Variants in COL10A1 observed in about 807,000 individuals in gnomAD.
COL10A1 encodes collagen alpha-1(X) chain.
COL10A1 carries 10 observed loss-of-function variants against 18.2 expected under a neutral mutation model. The ratio of observed to expected loss-of-function variants is 0.55; its 90% confidence interval spans 0.34 to 0.93. COL10A1 has a LOEUF of 0.93. COL10A1 is among the 40% of genes least tolerant of loss of function. The pLI, the probability that COL10A1 is intolerant of heterozygous loss-of-function variation, is 0.02. For missense variants in COL10A1, 897 were observed against 853.5 expected, an observed-to-expected ratio of 1.05 and a Z score of -0.64; for synonymous variants, 330 against 316.6, an observed-to-expected ratio of 1.04 and a Z score of -0.45.
chr6:116,153,959 A>T (rs1582839056), intron 1 of COL10A1, among the ~76,000 whole-genome samples: 1 of 151,682 alleles, frequency 6.6e-6, no homozygotes, highest in South Asian at 2.1e-4. Flanking sequence ...AGCTGTATGT[A>T]TTGCATTTGG....
chr6:116,123,612 T>C (rs1194600452), intron 2 of COL10A1, among the ~76,000 whole-genome samples: 2 of 152,238 alleles, frequency 1.3e-5, no homozygotes, highest in Non-Finnish European at 2.9e-5. Flanking sequence ...AATTATGTAA[T>C]AACTCTTTGA....
intron 1 of COL10A1, among the ~76,000 whole-genome samples, chr6:116,153,010 T>A (rs1433378628): frequency 6.6e-6 from 1 of 152,134 alleles, no homozygotes; most frequent in Admixed American, 6.6e-5. Context: ...TACCACTAAA[T>A]GGCTGAACTA....
upstream of COL10A1, among the ~76,000 whole-genome samples, chr6:116,130,689 T>G (rs1021031699): frequency 1.3e-5 from 2 of 152,084 alleles, no homozygotes; most frequent in African/African-American, 4.8e-5. Flanking sequence ...GATAACATTT[T>G]ACTGATGTAG....
intron 1 of COL10A1, among the ~76,000 whole-genome samples, chr6:116,134,750 T>C (rs1779547835): frequency 6.6e-6 from 1 of 152,200 alleles, no homozygotes; most frequent in Non-Finnish European, 1.5e-5. Flanking sequence ...CCGTGGTTGC[T>C]GTTCTAGTAA....
chr6:116,137,306 A>G (rs896164985), intron 1 of COL10A1: 6 of 160,310 alleles, frequency 3.7e-5, no homozygotes, highest in African/African-American at 1.4e-4. Flanking sequence ...TCCACACTTT[A>G]TACTTGGCAT....
At chr6:116,122,344 T>C (rs1779156310) in intron 2 of COL10A1, among the ~76,000 whole-genome samples, 1 of 152,170 alleles carries the variant, frequency 6.6e-6, no homozygotes, top group African/African-American at 2.4e-5. Flanking sequence ...TTAAGAACTA[T>C]AAAAATTTTC....
the COL10A1 span, among the ~76,000 whole-genome samples, chr6:116,165,098 G>GAAAAAA: frequency 0.013 from 1,308 of 100,974 alleles, 64 homozygotes; most frequent in African/African-American, 0.046. Flanking sequence ...CTCCGTCTCA[G>GAAAAAA]AAAAAAAAAA....
At chr6:116,124,135 TAA>T (rs1397247283) in intron 2 of COL10A1, among the ~76,000 whole-genome samples, 6 of 152,160 alleles carry the variant, frequency 3.9e-5, no homozygotes, top group African/African-American at 7.2e-5. Flanking sequence ...TTTCAAATAT[TAA>T]GTTTCCTTTT....
chr6:116,158,060 C>T (rs1582841826), intron 1 of COL10A1, among the ~76,000 whole-genome samples: 3 of 152,184 alleles, frequency 2.0e-5, no homozygotes, highest in Admixed American at 2.0e-4. Flanking sequence ...ATATTGGCAG[C>T]TTCAGCTCTC....
chr6:116,128,217 C>T (rs555712413), upstream of COL10A1, among the ~76,000 whole-genome samples: 1 of 152,148 alleles, frequency 6.6e-6, no homozygotes, highest in Non-Finnish European at 1.5e-5. Flanking sequence ...GGACATTCAA[C>T]CCTTTTTGCA....
At chr6:116,189,113 T>C in the COL10A1 span, among the ~76,000 whole-genome samples, 343 of 152,112 alleles carry the variant, frequency 2.3e-3, 1 homozygote, top group African/African-American at 8.1e-3. Context: ...TTTAATCAAG[T>C]TGAAATGAGA....
intron 1 of COL10A1, among the ~76,000 whole-genome samples, chr6:116,133,584 G>A (rs1338864391): frequency 6.6e-5 from 10 of 151,960 alleles, no homozygotes; most frequent in Non-Finnish European, 1.0e-4. Context: ...TCGTCAAAAC[G>A]GATACTTATG....
chr6:116,168,649 T>C, the COL10A1 span, among the ~76,000 whole-genome samples: 1 of 152,170 alleles, frequency 6.6e-6, no homozygotes, highest in Non-Finnish European at 1.5e-5. Context: ...TGTTTTTATA[T>C]TATATTGTCT....
the COL10A1 span, among the ~76,000 whole-genome samples, chr6:116,178,595 C>CT: frequency 6.6e-6 from 1 of 152,206 alleles, no homozygotes; most frequent in Non-Finnish European, 1.5e-5. Context: ...CAAGTGTTCC[C>CT]ACCTTTTACT....
At chr6:116,134,645 A>G (rs1179987895) in intron 1 of COL10A1, among the ~76,000 whole-genome samples, 1 of 152,166 alleles carries the variant, frequency 6.6e-6, no homozygotes, top group Non-Finnish European at 1.5e-5. Context: ...AGTCTTTCCA[A>G]ACCTTTCCTT....
chr6:116,151,889 T>C (rs1362924121), intron 1 of COL10A1, among the ~76,000 whole-genome samples: 1 of 152,230 alleles, frequency 6.6e-6, no homozygotes, highest in East Asian at 1.9e-4. Flanking sequence ...TCTTTTGTTC[T>C]GAAACACTGA....
intron 2 of COL10A1, among the ~76,000 whole-genome samples, chr6:116,122,977 G>A (rs1211619355): frequency 6.6e-6 from 1 of 152,158 alleles, no homozygotes; most frequent in Non-Finnish European, 1.5e-5. Flanking sequence ...TTCATTGATT[G>A]TAGTGTACAT....
At chr6:116,214,127 A>G in the COL10A1 span, among the ~76,000 whole-genome samples, 1 of 152,052 alleles carries the variant, frequency 6.6e-6, no homozygotes, top group Non-Finnish European at 1.5e-5. Context: ...GTGGCAAACC[A>G]CTTACAAACT....
At chr6:116,183,598 G>C in the COL10A1 span, among the ~76,000 whole-genome samples, 5 of 151,844 alleles carry the variant, frequency 3.3e-5, no homozygotes, top group East Asian at 9.7e-4. Context: ...CCTTGTAGAA[G>C]TCTTTCACCT....
Sources: allele counts gnomAD v4.1 joint callset (sites outside exome capture counted in the v4.1 genomes callset), GRCh38; gene constraint gnomAD v4.1.1; transcripts MANE v1.5; gene names NCBI Gene and HGNC (gene_info 2026-07-23, HGNC 2026-07-21).